Variants in CLCA1 observed in about 807,000 individuals in gnomAD.
The protein encoded by CLCA1 is calcium-activated chloride channel regulator 1.
Under a neutral mutation model 85.6 loss-of-function variants are expected in CLCA1, and 59 were observed. The ratio of observed to expected loss-of-function variants is 0.69; its 90% CI spans 0.56 to 0.86. CLCA1 has a LOEUF of 0.86. Ranked by LOEUF, CLCA1 falls within the 40% of genes least tolerant of loss-of-function variation. The pLI is 0.00. For synonymous variants in CLCA1, 396 were observed against 398.3 expected (o/e 0.99, Z 0.07); for missense variants, 1,022 against 1,101.4 (o/e 0.93, Z 1.02).
Position 86,489,044 on chromosome 1 carries a change from A to C in CLCA1, c.1231A>C (p.Thr411Pro). Residue 411 changes from threonine to proline, a missense_variant, in exon 8 of 14, where the codon ACG (threonine) becomes CCG (proline). Thr to Pro is a conservative substitution (Grantham distance 38). Coordinates refer to ENST00000394711, the MANE Select transcript of CLCA1 (RefSeq NM_001285.4). ...PTDGSEIVLL[T>P]DGEDNTISGC... ...TGATGGATCTGAAATTGTGCTGCTG[A>C]CGGATGGGGAAGACAACACTATAAG... 1 of 1,614,152 alleles carries C rather than the reference A, an allele frequency of 6.2e-7. No individual in the cohort carries two copies. The highest frequency in any genetic ancestry group is 8.5e-7 in the Non-Finnish European group (1 of 1,180,014).
At chr1:86,493,342 G>C (rs1330785203) in intron 9 of CLCA1, 42 bp from the exon 10 acceptor site, 2 of 1,482,352 alleles carry the variant, frequency 1.3e-6, no homozygotes, top group Non-Finnish European at 1.9e-6. Context: ...CATGTGATGG[G>C]AGCTGTATTC....
intron 9 of CLCA1, 139 bp from the exon 10 acceptor site, chr1:86,493,245 T>C (rs1648184970): frequency 1.5e-6 from 1 of 656,386 alleles, no homozygotes; most frequent in Non-Finnish European, 2.7e-6. Flanking sequence ...TGCATCATAA[T>C]TGCTCCTAAC....
chr1:86,498,670 G>T lies in CLCA1; in HGVS notation c.2212G>T (p.Val738Leu), dbSNP rs1233892125. The change falls in exon 13 of 14, where the codon GTG becomes TTG. Residue 738 changes from valine (V) to leucine (L), a missense_variant. Coordinates refer to ENST00000394711, the MANE Select transcript of CLCA1 (RefSeq NM_001285.4). ...FSRTSSGGSF[V>L]ASDVPNAPIP... ...CAGAACATCCTCGGGAGGCTCATTT[G>T]TGGCTTCTGATGTCCCAAATGCTCC... is the stretch of plus-strand genomic sequence containing the variant. The T allele has an allele frequency of 6.2e-7, 1 of 1,614,070 alleles. No homozygotes were observed. Among genetic ancestry groups the T allele is most frequent in the Non-Finnish European group, 8.5e-7 (1 of 1,180,014 alleles).
chr1:86,470,630 T>A (rs746022510), intron 1 of CLCA1, among the ~76,000 whole-genome samples: 10 of 152,234 alleles, frequency 6.6e-5, no homozygotes, highest in Non-Finnish European at 1.3e-4. Context: ...TTAAATTGTC[T>A]TTCCAGTATG....
chr1:86,473,280 G>T, intron 1 of CLCA1, 137 bp from the exon 2 acceptor site: 1 of 569,358 alleles, frequency 1.8e-6, no homozygotes, highest in Non-Finnish European at 3.0e-6. Flanking sequence ...ATTATTAAAA[G>T]GTATTTCTAT....
intron 12 of CLCA1, among the ~76,000 whole-genome samples, chr1:86,496,085 A>G (rs944459609): frequency 8.5e-5 from 13 of 152,222 alleles, no homozygotes; most frequent in African/African-American, 3.1e-4. Context: ...CCTCTGTTGT[A>G]AAATAAGGAT....
At chr1:86,483,752 T>C (rs188779471) in intron 5 of CLCA1, among the ~76,000 whole-genome samples, 2 of 152,344 alleles carry the variant, frequency 1.3e-5, no homozygotes, top group East Asian at 3.9e-4. Context: ...GTTTTTGTTA[T>C]GTGTCAGGCA....
intron 1 of CLCA1, among the ~76,000 whole-genome samples, chr1:86,470,013 C>A (rs1314738160): frequency 2.0e-5 from 3 of 152,134 alleles, no homozygotes; most frequent in Non-Finnish European, 4.4e-5. Flanking sequence ...TATCTCAGAA[C>A]TTTAAAAAAT....
In CLCA1 at chr1:86,498,576, A is replaced by C. The variant is rs750848867; in HGVS notation, c.2118A>C (p.Glu706Asp). 6.2e-7 allele frequency: 1 copy of C among 1,612,468 alleles called. No individual in the cohort carries two copies. The highest frequency in any genetic ancestry group is 8.5e-7 in the Non-Finnish European group (1 of 1,178,664). Residue 706 changes from glutamate to aspartate, a missense_variant, in exon 13 of 14, where the codon GAA (glutamate) becomes GAC (aspartate). Physicochemically the swap from Glu to Asp is conservative, Grantham distance 45. Transcript: ENST00000394711. ...TTGAGTATTTTTTTAATGCAGATGA[A>C]ATACAATGGAATCCACCAAGACCTG... ...LYIPGWIEND[E>D]IQWNPPRPEI...
At chr1:86,499,586 G>A (rs976355818) in intron 13 of CLCA1, 68 bp from the exon 14 acceptor site, 1 of 1,013,306 alleles carries the variant, frequency 9.9e-7, no homozygotes, top group Admixed American at 2.6e-5. Context: ...ATTTTTTAAA[G>A]CTCTACTGCT....
chr1:86,495,897 C>T (rs1027601576), intron 12 of CLCA1, among the ~76,000 whole-genome samples: 11 of 152,176 alleles, frequency 7.2e-5, no homozygotes, highest in African/African-American at 2.2e-4. Flanking sequence ...TTGTCAATAG[C>T]AATTCCCTAG....
chr1:86,473,321 GT>G, intron 1 of CLCA1, 95 bp from the exon 2 acceptor site: 1 of 885,546 alleles, frequency 1.1e-6, no homozygotes, highest in South Asian at 2.0e-5. Flanking sequence ...CAAATAACAA[GT>G]TTTTGAAAAT....
rs1647843525 is a variant in CLCA1, at chr1:86,482,391, C to T, written c.735+9C>T. 3.1e-6 allele frequency: 5 copies of T among 1,609,708 alleles called. No homozygotes were observed. Among genetic ancestry groups the T allele is most frequent in the Non-Finnish European group, 4.2e-6 (5 of 1,177,462 alleles). ...CACAACATGTTGATTCTGTAAGTAC[C>T]TTGTTCTCACCCCCTCCCCCAGATT... On this transcript the variant is annotated intron_variant, in intron 5 of 13. Transcript: ENST00000394711.
chr1:86,473,490 T>C lies in CLCA1; in HGVS notation c.236T>C (p.Ile79Thr). The C allele has an allele frequency of 6.2e-7, 1 of 1,612,000 alleles. No individual in the cohort carries two copies. The highest frequency in any genetic ancestry group is 8.5e-7 in the Non-Finnish European group (1 of 1,178,298). The stretch of plus-strand genomic sequence containing the variant: ...CGATTTTATTTCAAAAATGTTGCCA[T>C]TTTGATTCCTGAAACATGGAAGACA... ...GKRFYFKNVA[I>T]LIPETWKTKA... Residue 79 changes from isoleucine to threonine, a missense_variant, in exon 2 of 14, where the codon ATT becomes ACT. By Grantham distance (89) the Ile-to-Thr change is moderately conservative. Coordinates refer to ENST00000394711, the MANE Select transcript of CLCA1 (RefSeq NM_001285.4).
At chr1:86,488,872 T>C (rs1221768727) in intron 7 of CLCA1, 124 bp from the exon 8 acceptor site, 1 of 698,736 alleles carries the variant, frequency 1.4e-6, no homozygotes, top group African/African-American at 1.8e-5. Flanking sequence ...AGATATTTGG[T>C]CATTCCCAGA....
At chr1:86,494,551 C>G in intron 11 of CLCA1, 103 bp downstream of exon 11, 3 of 1,190,392 alleles carry the variant, frequency 2.5e-6, no homozygotes, top group Non-Finnish European at 2.4e-6. Flanking sequence ...ACAGGCAAGG[C>G]AGCACAGCAC....
chr1:86,471,578 A>C (rs1413078057), intron 1 of CLCA1, among the ~76,000 whole-genome samples: 2 of 152,220 alleles, frequency 1.3e-5, no homozygotes, highest in African/African-American at 4.8e-5. Context: ...CACATTTCAC[A>C]AGTCAAATGG....
chr1:86,482,752 A>G (rs1003029393), intron 5 of CLCA1, among the ~76,000 whole-genome samples: 4 of 152,208 alleles, frequency 2.6e-5, no homozygotes, highest in African/African-American at 7.2e-5. Flanking sequence ...CTCTTGATTT[A>G]ACTTTCAGAG....
At chr1:86,495,031 T>C (rs1467607437) in intron 11 of CLCA1, among the ~76,000 whole-genome samples, 1 of 132,010 alleles carries the variant, frequency 7.6e-6, no homozygotes, top group East Asian at 3.1e-4. Flanking sequence ...AAGAGAATTC[T>C]ACAGTTTAAA....
Sources: gnomAD v4.1 joint callset for allele counts (sites outside exome capture counted in the v4.1 genomes callset) on GRCh38, gnomAD v4.1.1 for gene constraint, MANE v1.5 for transcripts, NCBI Gene and HGNC (gene_info 2026-07-23, HGNC 2026-07-21) for gene names.